The following LPP variants were observed in gnomAD, a reference collection of about 807,000 sequenced individuals.
LPP encodes the protein lipoma-preferred partner.
A neutral mutation model predicts 60.4 loss-of-function variants in LPP; 38 were observed. The observed-to-expected ratio is 0.63, with a 90% CI of 0.49 to 0.83. The LOEUF (loss-of-function observed/expected upper bound fraction) is 0.83. LPP is among the 40% of genes least tolerant of loss of function. The pLI is 0.00. For missense variants in LPP, 902 were observed against 783.6 expected (o/e 1.15, Z -1.80); for synonymous variants, 328 against 290.8 (o/e 1.13, Z -1.30).
chr3:188,371,641 A>ATATATATATATATT (rs1553878071), intron 3 of LPP, among the ~76,000 whole-genome samples: 5 of 32,172 alleles, frequency 1.6e-4, no homozygotes, highest in Admixed American at 6.4e-4. Context: ...ATATATATAT[A>ATATATATATATATT]TTTTTTTTTT....
chr3:188,378,361 C>T (rs1206754906), intron 3 of LPP, among the ~76,000 whole-genome samples: 8 of 152,222 alleles, frequency 5.3e-5, no homozygotes, highest in African/African-American at 1.7e-4. Flanking sequence ...CCACCGAGTT[C>T]AAGCTTCCTG....
intron 6 of LPP, among the ~76,000 whole-genome samples, 178 bp downstream of exon 6, chr3:188,524,965 CTTTCTCTTTTT>C (rs1820151449): frequency 8.6e-6 from 1 of 116,638 alleles, no homozygotes; most frequent in African/African-American, 3.2e-5. Context: ...TCTCTTCTTT[CTTTCTCTTTTT>C]TTTTTTTTTT....
chr3:188,629,483 G>T (rs1248082595), intron 7 of LPP, among the ~76,000 whole-genome samples: 2 of 151,866 alleles, frequency 1.3e-5, no homozygotes, highest in African/African-American at 4.8e-5. Flanking sequence ...GCCACAGAAA[G>T]AATAAGATAC....
chr3:188,353,407 A>C (rs780418012), intron 3 of LPP, among the ~76,000 whole-genome samples: 63 of 152,196 alleles, frequency 4.1e-4, no homozygotes, highest in Admixed American at 3.5e-3. Context: ...TTCTCACCGA[A>C]TTAGATTTTG....
chr3:188,548,629 T>C (rs1489019196), intron 6 of LPP, among the ~76,000 whole-genome samples: 4 of 152,110 alleles, frequency 2.6e-5, no homozygotes, highest in Non-Finnish European at 4.4e-5. Context: ...GGATAATAAG[T>C]TTAGAAATCT....
At chr3:188,834,801 C>T (rs1464986319) in intron 9 of LPP, among the ~76,000 whole-genome samples, 3 of 152,130 alleles carry the variant, frequency 2.0e-5, no homozygotes, top group Admixed American at 6.5e-5. Flanking sequence ...TGGGACACCA[C>T]GTATGATGAT....
At chr3:188,272,484 A>G (rs1738121858) in intron 2 of LPP, among the ~76,000 whole-genome samples, 1 of 152,002 alleles carries the variant, frequency 6.6e-6, no homozygotes, top group African/African-American at 2.4e-5. Context: ...TAACGGTTCT[A>G]GTTTTTGGGA....
intron 9 of LPP, among the ~76,000 whole-genome samples, chr3:188,825,155 T>C (rs142640581): frequency 6.6e-6 from 1 of 152,276 alleles, no homozygotes; most frequent in East Asian, 1.9e-4. Context: ...TCATCAATGA[T>C]TGTTTTTAAA....
intron 1 of LPP, among the ~76,000 whole-genome samples, chr3:188,220,131 G>T (rs1431454919): frequency 1.3e-5 from 2 of 152,192 alleles, no homozygotes; most frequent in Non-Finnish European, 2.9e-5. Flanking sequence ...TGCCAGATGG[G>T]TGTGATACAA....
chr3:188,665,857 C>A (rs6793276), intron 7 of LPP, among the ~76,000 whole-genome samples: 149,592 of 152,358 alleles, frequency 0.98, 73,491 homozygotes, highest in East Asian at 1. Context: ...GTTTTGTTAA[C>A]AAAGTAAGTG....
intron 8 of LPP, among the ~76,000 whole-genome samples, chr3:188,727,524 T>G (rs1718869978): frequency 6.6e-6 from 1 of 152,232 alleles, no homozygotes; most frequent in Non-Finnish European, 1.5e-5. Context: ...TTGATATTTA[T>G]TTCATTCATA....
At chr3:188,628,589 A>G (rs1391088113) in intron 7 of LPP, among the ~76,000 whole-genome samples, 1 of 152,134 alleles carries the variant, frequency 6.6e-6, no homozygotes, top group Non-Finnish European at 1.5e-5. Context: ...ATGAGTTCCA[A>G]AATTGAATCA....
chr3:188,882,772 T>C lies in LPP; in HGVS notation c.*8293T>C. 5.4e-6 allele frequency: 1 copy of C among 186,456 alleles called. No homozygotes were observed. The highest frequency in any genetic ancestry group is 1.1e-5 in the Non-Finnish European group (1 of 88,340). 11.6% of individuals were successfully genotyped at this position (186,456 alleles called of 1,614,324 possible). On this transcript the variant is annotated 3_prime_UTR_variant, in exon 12 of 12. Coordinates refer to ENST00000617246, the MANE Select transcript of LPP (RefSeq NM_001375462.1). ...TTTTTCTTTTGAGACGGAGTCTTGC[T>C]CTGTCGCCCAGGCTGGAGTGCAGTG... is the stretch of plus-strand genomic sequence containing the variant.
At chr3:188,475,673 C>T (rs1041408029) in intron 4 of LPP, among the ~76,000 whole-genome samples, 26 of 152,108 alleles carry the variant, frequency 1.7e-4, no homozygotes, top group East Asian at 1.9e-4. Flanking sequence ...GAGGCCGAGG[C>T]GGGCGGATCA....
chr3:188,798,740 G>A (rs1241694149), intron 9 of LPP, among the ~76,000 whole-genome samples: 1 of 151,814 alleles, frequency 6.6e-6, no homozygotes, highest in East Asian at 2.0e-4. Flanking sequence ...TGACTTCCTG[G>A]AGCACTCATA....
At chr3:188,197,655 G>T (rs9818331) in intron 1 of LPP, among the ~76,000 whole-genome samples, 2,027 of 152,228 alleles carry the variant, frequency 0.013, 22 homozygotes, top group African/African-American at 0.018. Context: ...TGAGGGTCAG[G>T]TGAGGTCATG....
chr3:188,820,845 G>T (rs1577773123), intron 9 of LPP, among the ~76,000 whole-genome samples: 2 of 152,104 alleles, frequency 1.3e-5, no homozygotes, highest in African/African-American at 4.8e-5. Context: ...GTTATACCTT[G>T]GCTTTTATAA....
intron 2 of LPP, among the ~76,000 whole-genome samples, chr3:188,273,721 T>C (rs1209979624): frequency 6.9e-6 from 1 of 145,346 alleles, no homozygotes; most frequent in Admixed American, 7.2e-5. Flanking sequence ...TCAGCCTCCC[T>C]AGTAGCTGGG....
intron 9 of LPP, among the ~76,000 whole-genome samples, chr3:188,789,435 G>C (rs1303592629): frequency 5.3e-5 from 8 of 152,170 alleles, no homozygotes; most frequent in Admixed American, 5.2e-4. Context: ...AGCTACTCAG[G>C]TTATTCCCTT....
Sources: allele counts gnomAD v4.1 joint callset (sites outside exome capture counted in the v4.1 genomes callset), GRCh38; gene constraint gnomAD v4.1.1; transcripts MANE v1.5; gene names NCBI Gene and HGNC (gene_info 2026-07-23, HGNC 2026-07-21).